The following ENTPD5 variants were observed in gnomAD, a reference collection of about 807,000 sequenced individuals.
ENTPD5 encodes the protein nucleoside diphosphate phosphatase ENTPD5.
In ENTPD5, 49 loss-of-function variants were observed where a neutral mutation model predicts 60.2. That is an observed-to-expected ratio of 0.81 (90% CI 0.65 to 1.03). The LOEUF (loss-of-function observed/expected upper bound fraction) is 1.03, where lower values mean the gene tolerates loss of function less well. ENTPD5 is among the 50% of genes least tolerant of loss of function. The pLI, the probability that ENTPD5 is intolerant of heterozygous loss-of-function variation, is 0.00. For synonymous variants in ENTPD5, 187 were observed against 185.4 expected, an observed-to-expected ratio of 1.01 and a Z score of -0.07; for missense variants, 480 against 507.6, an observed-to-expected ratio of 0.95 and a Z score of 0.52.
chr14:73,977,405 ATTCCCTAAGGCAAT>A, intron 6 of ENTPD5, 31 bp from the exon 7 acceptor site: 1 of 1,354,508 alleles, frequency 7.4e-7, no homozygotes, highest in Non-Finnish European at 1.0e-6. Flanking sequence ...AAAAAAAAGA[ATTCCCTAAGGCAAT>A]AAAATAGATT....
intron 2 of ENTPD5, among the ~76,000 whole-genome samples, chr14:74,015,484 T>C (rs2058990344): frequency 6.6e-6 from 1 of 151,334 alleles, no homozygotes; most frequent in African/African-American, 2.4e-5. Context: ...CCTGAGTAGC[T>C]GGAACTACAG....
At chr14:74,017,960 T>G (rs2140902429) in intron 1 of ENTPD5, among the ~76,000 whole-genome samples, 1 of 151,742 alleles carries the variant, frequency 6.6e-6, no homozygotes, top group South Asian at 2.1e-4. Context: ...GGCAGGTGGA[T>G]CACCTGAGGC....
rs1426661916 is a variant in ENTPD5 at position 73,975,960 on chromosome 14, C to T, written c.698G>A (p.Ser233Asn). 1.9e-6 allele frequency: 3 copies of T among 1,613,408 alleles called. No homozygotes were observed. Among genetic ancestry groups the T allele is most frequent in the Non-Finnish European group, 1.7e-6 (2 of 1,179,612 alleles). ...CCTATGTGTATAGAGCTTATAAGTG[C>T]TGTTAAACATCTCAAAGGAAGTGAG... is the stretch of plus-strand genomic sequence containing the variant. ...GYLTSFEMFN[S>N]TYKLYTHSYL... Residue 233 changes from serine to asparagine, a missense_variant, in exon 10 of 16, where the codon AGC becomes AAC. Coordinates refer to ENST00000334696, the MANE Select transcript of ENTPD5 (RefSeq NM_001249.5).
chr14:73,958,164 T>C (rs768501175), downstream of ENTPD5: 2 of 1,614,000 alleles, frequency 1.2e-6, no homozygotes, highest in African/African-American at 2.7e-5. Flanking sequence ...GACGGTTCTC[T>C]ACAGGAGCAA....
chr14:73,970,000 T>G lies in ENTPD5; in HGVS notation c.1200+10A>C. On this transcript the variant is annotated intron_variant, in intron 15 of 15. Coordinates refer to ENST00000334696, the MANE Select transcript of ENTPD5 (RefSeq NM_001249.5). ...GGGCTGTTATGAGACTCTGGTGTCC[T>G]GTCTCTTACCTGTAAGACTGTGCTG... 1 of 1,592,062 alleles carries G rather than the reference T, an allele frequency of 6.3e-7. No individual in the cohort carries two copies. The highest frequency in any genetic ancestry group is 8.6e-7 in the Non-Finnish European group (1 of 1,160,040).
At chr14:73,960,548 T>C, downstream of ENTPD5, 1 of 1,006,208 alleles carries the variant, frequency 9.9e-7, no homozygotes. Flanking sequence ...CTGGGCCATT[T>C]AGTATATATT....
chr14:74,008,819 C>G (rs2058758894), intron 3 of ENTPD5: 1 of 152,212 alleles, frequency 6.6e-6, no homozygotes. Flanking sequence ...GCTTATACCA[C>G]CATGCCTGGC....
chr14:74,018,904 A>G (rs1415821581), intron 1 of ENTPD5: 1 of 152,616 alleles, frequency 6.6e-6, no homozygotes, highest in Non-Finnish European at 1.5e-5. Context: ...AAAGCCAGGA[A>G]AGAGATGCAA....
Position 73,992,775 on chromosome 14 carries a change from G to T in ENTPD5, c.-70-4603C>A, listed in dbSNP as rs1304885032. On this transcript the variant is annotated intron_variant, in intron 3 of 15. Transcript: ENST00000334696. ...CTCAGCATTTTGGGAGGCCGAGGCG[G>T]GCGGATCACTTGAGGTCAGGAGTAC... Among the ~76,000 whole-genome samples, 7 of 151,592 alleles carry T rather than the reference G, an allele frequency of 4.6e-5. No homozygotes were observed. In the East Asian group the frequency reaches 1.4e-3, roughly 29 times the overall value.
chr14:73,964,835 G>A lies in ENTPD5; in HGVS notation c.*2093C>T, dbSNP rs999468483. The A allele has an allele frequency of 2.0e-5, 3 of 151,926 alleles. No individual in the cohort carries two copies. Among genetic ancestry groups the A allele is most frequent in the Non-Finnish European group, 4.4e-5 (3 of 67,958 alleles). 9.4% of individuals were successfully genotyped at this position (151,926 alleles called of 1,614,324 possible). On this transcript the variant is annotated 3_prime_UTR_variant, in exon 16 of 16. Transcript: ENST00000334696. ...CAGAACTAAGACCACTTAGAAGATA[G>A]GTAGATTTCAGCTCAATATAAGGAA...
chr14:74,012,500 T>C (rs1401502268), intron 2 of ENTPD5, among the ~76,000 whole-genome samples: 1 of 152,222 alleles, frequency 6.6e-6, no homozygotes, highest in Non-Finnish European at 1.5e-5. Flanking sequence ...AACAAATACA[T>C]AAATCTCATC....
At chr14:73,994,686 T>C (rs1170546842) in intron 3 of ENTPD5, among the ~76,000 whole-genome samples, 2 of 150,680 alleles carry the variant, frequency 1.3e-5, no homozygotes, top group Non-Finnish European at 1.5e-5. Flanking sequence ...TGAGATAAGA[T>C]TGCACCAGCA....
chr14:73,964,178 A>G lies in ENTPD5; in HGVS notation c.*2750T>C, dbSNP rs2056877794. On this transcript the variant is annotated 3_prime_UTR_variant, in exon 16 of 16. Coordinates refer to ENST00000334696, the MANE Select transcript of ENTPD5 (RefSeq NM_001249.5). Reference sequence around the variant, plus strand: ...GGCAAGATGAAGAATTTTAAGGCACACCTCCATTGGCCCACAGAGAGTGTT... The same window carrying G: ...GGCAAGATGAAGAATTTTAAGGCACGCCTCCATTGGCCCACAGAGAGTGTT... 6.6e-6 allele frequency: 1 copy of G among 152,138 alleles called. No homozygotes were observed. 9.4% of individuals were successfully genotyped at this position (152,138 alleles called of 1,614,324 possible).
chr14:74,009,125 C>G (rs542343917), intron 3 of ENTPD5: 1 of 151,934 alleles, frequency 6.6e-6, no homozygotes, highest in Admixed American at 6.6e-5. Context: ...AAAGCTGTTG[C>G]TATTGTTGCC....
chr14:73,984,806 TG>T (rs760719181), intron 5 of ENTPD5, among the ~76,000 whole-genome samples: 1 of 152,172 alleles, frequency 6.6e-6, no homozygotes, highest in Non-Finnish European at 1.5e-5. Context: ...CAGGTTTGTT[TG>T]TTACATATGC....
intron 2 of ENTPD5, among the ~76,000 whole-genome samples, chr14:74,014,574 T>C (rs1159094452): frequency 6.6e-6 from 1 of 152,002 alleles, no homozygotes; most frequent in Non-Finnish European, 1.5e-5. Flanking sequence ...AATAAACAAA[T>C]AATTATCTGT....
Position 74,015,504 on chromosome 14 carries a change from C to T in ENTPD5, c.-131+320G>A, listed in dbSNP as rs530056893. On this transcript the variant is annotated intron_variant, in intron 2 of 15. Coordinates refer to ENST00000334696, the MANE Select transcript of ENTPD5 (RefSeq NM_001249.5). Reference sequence around the variant, plus strand: ...GTAGCTGGAACTACAGGTACATGGCCACCACACCCAGCTAATTTTTGTATT... The same window carrying T: ...GTAGCTGGAACTACAGGTACATGGCTACCACACCCAGCTAATTTTTGTATT... Among the ~76,000 whole-genome samples the T allele has an allele frequency of 1.8e-4, 28 of 151,850 alleles. 1 individual carries two copies. In the South Asian group the frequency reaches 5.4e-3, roughly 29 times the overall value.
chr14:73,981,175 A>C (rs2057673109), intron 6 of ENTPD5, among the ~76,000 whole-genome samples: 1 of 151,974 alleles, frequency 6.6e-6, no homozygotes, highest in African/African-American at 2.4e-5. Context: ...TCTATACTTA[A>C]ATTTTTGATC....
At chr14:73,992,713 T>C (rs2058184795) in intron 3 of ENTPD5, among the ~76,000 whole-genome samples, 2 of 144,970 alleles carry the variant, frequency 1.4e-5, no homozygotes, top group Admixed American at 6.9e-5. Context: ...CAAATTAAAG[T>C]TAATTGCAGC....
Sources: allele counts gnomAD v4.1 joint callset (sites outside exome capture counted in the v4.1 genomes callset), GRCh38; gene constraint gnomAD v4.1.1; transcripts MANE v1.5; gene names NCBI Gene and HGNC (gene_info 2026-07-23, HGNC 2026-07-21).